The following PPARGC1A variants were observed in gnomAD, a reference collection of about 807,000 sequenced individuals.
The protein encoded by PPARGC1A is peroxisome proliferator-activated receptor gamma coactivator 1-alpha.
Under a neutral mutation model 88.7 loss-of-function variants are expected in PPARGC1A, and 25 were observed. The ratio of observed to expected loss-of-function variants is 0.28; its 90% CI spans 0.21 to 0.39. The LOEUF is 0.39. Ranked by LOEUF, PPARGC1A falls within the 10% of genes least tolerant of loss-of-function variation. The pLI is 1.00. For synonymous variants in PPARGC1A, 363 were observed against 355.6 expected, an observed-to-expected ratio of 1.02 and a Z score of -0.24; for missense variants, 880 against 968.7, an observed-to-expected ratio of 0.91 and a Z score of 1.22.
At chr4:23,891,508 CA>C (rs1189455211), upstream of PPARGC1A, among the ~76,000 whole-genome samples, 4 of 152,094 alleles carry the variant, frequency 2.6e-5, no homozygotes, top group Non-Finnish European at 4.4e-5. Context: ...TTAAATTGCT[CA>C]AATATTAAAG....
the PPARGC1A span, among the ~76,000 whole-genome samples, chr4:24,074,165 G>A: frequency 2.9e-3 from 444 of 152,292 alleles, 4 homozygotes; most frequent in African/African-American, 0.01. Context: ...TCACATGAGG[G>A]AATGAAAATG....
the PPARGC1A span, among the ~76,000 whole-genome samples, chr4:24,174,250 C>T: frequency 1.3e-5 from 2 of 152,122 alleles, no homozygotes; most frequent in Non-Finnish European, 2.9e-5. Flanking sequence ...TCAAGTAAAC[C>T]CTTTGCAGGT....
At chr4:24,090,355 GT>G in the PPARGC1A span, among the ~76,000 whole-genome samples, 1 of 152,116 alleles carries the variant, frequency 6.6e-6, no homozygotes, top group Non-Finnish European at 1.5e-5. Flanking sequence ...GCTAGAGGGT[GT>G]TTTTTTCTGA....
the PPARGC1A span, among the ~76,000 whole-genome samples, chr4:24,022,315 T>C: frequency 6.6e-6 from 1 of 152,102 alleles, no homozygotes; most frequent in Non-Finnish European, 1.5e-5. Flanking sequence ...GTTCTCTCCC[T>C]TCTCTCTCCA....
chr4:24,137,091 G>A, the PPARGC1A span, among the ~76,000 whole-genome samples: 1 of 149,646 alleles, frequency 6.7e-6, no homozygotes, highest in African/African-American at 2.5e-5. Context: ...TCCAGCCCGG[G>A]TGACACAGCG....
chr4:24,283,453 C>A, the PPARGC1A span, among the ~76,000 whole-genome samples: 25 of 152,176 alleles, frequency 1.6e-4, no homozygotes, highest in Admixed American at 1.6e-3. Context: ...AAAGAGGGAA[C>A]AAACGAAGGA....
the PPARGC1A span, among the ~76,000 whole-genome samples, chr4:24,352,749 G>A: frequency 6.6e-6 from 1 of 152,198 alleles, no homozygotes; most frequent in Non-Finnish European, 1.5e-5. Flanking sequence ...GTGGAGCACA[G>A]AACTATTGTT....
the PPARGC1A span, among the ~76,000 whole-genome samples, chr4:24,117,457 CA>C: frequency 4.0e-5 from 6 of 151,726 alleles, no homozygotes; most frequent in Admixed American, 2.6e-4. Context: ...CAGACAACAA[CA>C]AAAAAACTTC....
At chr4:23,978,838 G>A in the PPARGC1A span, among the ~76,000 whole-genome samples, 1 of 152,114 alleles carries the variant, frequency 6.6e-6, no homozygotes, top group Non-Finnish European at 1.5e-5. Flanking sequence ...AAAATAAAAT[G>A]AAATGTGTTT....
the PPARGC1A span, among the ~76,000 whole-genome samples, chr4:24,171,917 A>G: frequency 6.6e-6 from 1 of 152,182 alleles, no homozygotes; most frequent in Admixed American, 6.5e-5. Flanking sequence ...TCACAAATAC[A>G]TGTAAAGGTC....
the PPARGC1A span, among the ~76,000 whole-genome samples, chr4:24,397,306 A>G: frequency 6.6e-5 from 10 of 152,330 alleles, no homozygotes; most frequent in Middle Eastern, 3.4e-3. Context: ...GTAGAAGAAT[A>G]CATTAAAAGT....
chr4:23,979,302 T>A, the PPARGC1A span, among the ~76,000 whole-genome samples: 1 of 152,340 alleles, frequency 6.6e-6, no homozygotes, highest in East Asian at 1.9e-4. Context: ...TTTTAAGGGA[T>A]ACTTTCTCCT....
chr4:24,298,903 T>A, the PPARGC1A span, among the ~76,000 whole-genome samples: 1 of 152,202 alleles, frequency 6.6e-6, no homozygotes, highest in Non-Finnish European at 1.5e-5. Flanking sequence ...AAACAGCATT[T>A]ATACTACATA....
chr4:24,155,249 A>G, the PPARGC1A span, among the ~76,000 whole-genome samples: 1 of 152,024 alleles, frequency 6.6e-6, no homozygotes, highest in African/African-American at 2.4e-5. Flanking sequence ...TTAAGATCTT[A>G]AGGTGCATTT....
At chr4:23,969,612 G>C in the PPARGC1A span, among the ~76,000 whole-genome samples, 1 of 152,198 alleles carries the variant, frequency 6.6e-6, no homozygotes, top group Non-Finnish European at 1.5e-5. Flanking sequence ...TTGGAAAACT[G>C]GAAGGCGTGG....
chr4:24,351,729 A>G, the PPARGC1A span, among the ~76,000 whole-genome samples: 1 of 152,176 alleles, frequency 6.6e-6, no homozygotes, highest in Non-Finnish European at 1.5e-5. Context: ...AAAAATAAAA[A>G]GCCGTCATGG....
the PPARGC1A span, among the ~76,000 whole-genome samples, chr4:24,204,537 T>G: frequency 6.6e-6 from 1 of 151,726 alleles, no homozygotes; most frequent in East Asian, 1.9e-4. Context: ...GGAAGGGAAA[T>G]TCTTTCTATA....
the PPARGC1A span, among the ~76,000 whole-genome samples, chr4:24,117,046 TAA>T: frequency 6.8e-6 from 1 of 146,090 alleles, no homozygotes; most frequent in Non-Finnish European, 1.5e-5. Context: ...GTGAAGTTGG[TAA>T]AAAAAAAAAA....
At chr4:23,908,232 A>G (rs1480833727), upstream of PPARGC1A, among the ~76,000 whole-genome samples, 3 of 152,214 alleles carry the variant, frequency 2.0e-5, no homozygotes, top group Non-Finnish European at 4.4e-5. Context: ...AAAATCATCA[A>G]GAATTAAATG....
Sources: gnomAD v4.1 joint callset for allele counts (sites outside exome capture counted in the v4.1 genomes callset) on GRCh38, gnomAD v4.1.1 for gene constraint, MANE v1.5 for transcripts, NCBI Gene and HGNC (gene_info 2026-07-23, HGNC 2026-07-21) for gene names.